Variants in IRAK3 observed in about 807,000 individuals in gnomAD.
IRAK3 encodes interleukin-1 receptor-associated kinase 3.
IRAK3 carries 57 observed loss-of-function variants against 56.6 expected under a neutral mutation model. That is an observed-to-expected ratio of 1.01 (90% CI 0.81 to 1.26). The LOEUF (loss-of-function observed/expected upper bound fraction) is 1.26. Among genes scored for constraint, IRAK3 ranks in the 50% most tolerant of loss-of-function variants. The probability of loss-of-function intolerance (pLI) is 0.00; values close to 1 mark genes in which losing one functional copy is unlikely to be tolerated. For synonymous variants in IRAK3, 258 were observed against 255.7 expected, an observed-to-expected ratio of 1.01 and a Z score of -0.09; for missense variants, 703 against 719.0, an observed-to-expected ratio of 0.98 and a Z score of 0.25.
intron 2 of IRAK3, among the ~76,000 whole-genome samples, chr12:66,204,778 G>GCGCACACACACACA (rs1026097833): frequency 2.0e-5 from 3 of 147,812 alleles, no homozygotes; most frequent in African/African-American, 7.4e-5. Flanking sequence ...GAGCCCTTGC[G>GCGCACACACACACA]CACACACACA....
At chr12:66,208,871 C>G (rs1193705453) in intron 2 of IRAK3, among the ~76,000 whole-genome samples, 2 of 151,866 alleles carry the variant, frequency 1.3e-5, no homozygotes, top group Non-Finnish European at 2.9e-5. Flanking sequence ...CGAGACTAGC[C>G]TGGCCAACAT....
At chr12:66,216,552 A>G (rs1170794943) in intron 5 of IRAK3, among the ~76,000 whole-genome samples, 2 of 152,174 alleles carry the variant, frequency 1.3e-5, no homozygotes, top group African/African-American at 4.8e-5. Context: ...GAGACATGCA[A>G]TGACCTAAGA....
intron 6 of IRAK3, among the ~76,000 whole-genome samples, chr12:66,217,586 A>G (rs748601886): frequency 6.6e-6 from 1 of 152,190 alleles, no homozygotes; most frequent in Non-Finnish European, 1.5e-5. Flanking sequence ...CTGTTTCATC[A>G]GTATAACTCT....
intron 6 of IRAK3, among the ~76,000 whole-genome samples, chr12:66,218,236 G>T (rs1347044897): frequency 6.6e-6 from 1 of 152,050 alleles, no homozygotes; most frequent in Non-Finnish European, 1.5e-5. Flanking sequence ...AACACAAGAG[G>T]TGACATGAAC....
At chr12:66,245,539 T>G (rs1236313527) in intron 11 of IRAK3, among the ~76,000 whole-genome samples, 2 of 123,530 alleles carry the variant, frequency 1.6e-5, no homozygotes, top group African/African-American at 6.1e-5. Flanking sequence ...CTTTTTTTTT[T>G]TTTTTTTTTT....
intron 8 of IRAK3, among the ~76,000 whole-genome samples, chr12:66,235,620 C>T (rs1455810577): frequency 6.7e-6 from 1 of 150,154 alleles, no homozygotes; most frequent in Non-Finnish European, 1.5e-5. Flanking sequence ...CCGCCGCGTC[C>T]TCCGATATTA....
chr12:66,190,980 A>G (rs945477716), intron 1 of IRAK3, among the ~76,000 whole-genome samples: 3 of 152,204 alleles, frequency 2.0e-5, no homozygotes, highest in Non-Finnish European at 4.4e-5. Context: ...ATGCAGCCCT[A>G]TTTTCCTAGT....
intron 1 of IRAK3, among the ~76,000 whole-genome samples, chr12:66,200,638 G>A (rs993923138): frequency 1.3e-5 from 2 of 152,200 alleles, no homozygotes; most frequent in African/African-American, 2.4e-5. Flanking sequence ...GGAGCATAAA[G>A]TTGAGGTAAA....
At chr12:66,195,809 C>A (rs994524323) in intron 1 of IRAK3, among the ~76,000 whole-genome samples, 1 of 152,122 alleles carries the variant, frequency 6.6e-6, no homozygotes. Context: ...GCGCCTACCA[C>A]AAAACCAGGC....
At chr12:66,212,232 C>T (rs894226914) in intron 5 of IRAK3, among the ~76,000 whole-genome samples, 1 of 152,134 alleles carries the variant, frequency 6.6e-6, no homozygotes, top group African/African-American at 2.4e-5. Context: ...CAGGCAGCCT[C>T]ACAGGCTAAG....
At chr12:66,217,709 G>A (rs1217739752) in intron 6 of IRAK3, among the ~76,000 whole-genome samples, 1 of 152,070 alleles carries the variant, frequency 6.6e-6, no homozygotes, top group Non-Finnish European at 1.5e-5. Flanking sequence ...AAATGACTTC[G>A]TTTTCATATA....
chr12:66,216,248 C>T (rs1255064070), intron 5 of IRAK3, among the ~76,000 whole-genome samples: 2 of 152,082 alleles, frequency 1.3e-5, no homozygotes, highest in East Asian at 1.9e-4. Flanking sequence ...TAGAGATGGG[C>T]GGAAAATCCA....
At chr12:66,235,294 G>C (rs1007424075) in intron 8 of IRAK3, 4 of 1,292,596 alleles carry the variant, frequency 3.1e-6, no homozygotes, top group African/African-American at 1.6e-5. Flanking sequence ...TCATCGCTGC[G>C]GGCCGCGGCG....
chr12:66,247,731 T>C lies in IRAK3; in HGVS notation c.1351T>C (p.Tyr451His). Residue 451 changes from tyrosine (Y) to histidine (H), a missense_variant, in exon 12 of 12, where the codon TAT becomes CAT. Coordinates refer to ENST00000261233, the MANE Select transcript of IRAK3 (RefSeq NM_007199.3). ...TCTTGAAAGTACTCAAGCCAGCTTG[T>C]ATTTTGCTGAAGATCCTCCCACATC... ...NTLESTQASL[Y>H]FAEDPPTSLK... The C allele has an allele frequency of 6.2e-7, 1 of 1,614,062 alleles. No individual in the cohort carries two copies. The highest frequency in any genetic ancestry group is 8.5e-7 in the Non-Finnish European group (1 of 1,179,882).
At chr12:66,210,554 A>G (rs1387949815) in intron 4 of IRAK3, among the ~76,000 whole-genome samples, 4 of 152,234 alleles carry the variant, frequency 2.6e-5, no homozygotes, top group African/African-American at 9.6e-5. Context: ...CAGCAATTAC[A>G]GAAATCTTTC....
chr12:66,245,347 T>C, intron 11 of IRAK3, 85 bp downstream of exon 11: 2 of 1,408,390 alleles, frequency 1.4e-6, no homozygotes, highest in Non-Finnish European at 2.0e-6. Context: ...TCTAAGTGAA[T>C]TATTTGTTAA....
rs1040493089 is a variant in IRAK3 at position 66,216,182 on chromosome 12, A to C, written c.589-989A>C. Among the ~76,000 whole-genome samples the C allele has an allele frequency of 2.0e-5, 3 of 152,204 alleles. No homozygotes were observed. In the South Asian group the frequency reaches 6.2e-4, roughly 31 times the overall value. The stretch of plus-strand genomic sequence containing the variant: ...CGACTCCTTCATTTTTCAGACTGGA[A>C]AACTATGGCCTTAGGGAAGTTAAGT... On this transcript the variant is annotated intron_variant, in intron 5 of 11. Transcript: ENST00000261233.
At chr12:66,202,201 C>T (rs560141953) in intron 1 of IRAK3, among the ~76,000 whole-genome samples, 60 of 152,148 alleles carry the variant, frequency 3.9e-4, no homozygotes, top group African/African-American at 1.2e-3. Flanking sequence ...TTAATATAAG[C>T]GCCTACTGAT....
rs1350494616 is a variant in IRAK3 at position 66,226,848 on chromosome 12, T to G, written c.768+11T>G. On this transcript the variant is annotated intron_variant, in intron 7 of 11. Transcript: ENST00000261233. The stretch of plus-strand genomic sequence containing the variant: ...AGATTGCAGTGTGTAGTAAGTTCTA[T>G]CTATTATTCTGTCTGATCCTCTGAC... 1 of 1,431,838 alleles carries G rather than the reference T, an allele frequency of 7.0e-7. No homozygotes were observed. Among genetic ancestry groups the G allele is most frequent in the African/African-American group, 1.4e-5 (1 of 71,168 alleles). 88.7% of individuals were successfully genotyped at this position (1,431,838 alleles called of 1,614,324 possible). A position where few individuals can be genotyped will look rare whatever the true frequency, so the allele number is the denominator to read the frequency against.
Sources: allele counts gnomAD v4.1 joint callset (sites outside exome capture counted in the v4.1 genomes callset), GRCh38; gene constraint gnomAD v4.1.1; transcripts MANE v1.5; gene names NCBI Gene and HGNC (gene_info 2026-07-23, HGNC 2026-07-21).